The following TNFSF4 variants were observed in gnomAD, a reference collection of about 807,000 sequenced individuals.
TNFSF4 encodes the protein tumor necrosis factor ligand superfamily member 4.
In TNFSF4, 4 loss-of-function variants were observed where a neutral mutation model predicts 7.3. That is an observed-to-expected ratio of 0.55 (90% confidence interval 0.27 to 1.25). The LOEUF (loss-of-function observed/expected upper bound fraction) is 1.25. Ranked by LOEUF, TNFSF4 falls within the 50% of genes most tolerant of loss-of-function variation. TNFSF4 has a pLI of 0.12. For missense variants in TNFSF4, 181 were observed against 208.8 expected (o/e 0.87, Z 0.82); for synonymous variants, 76 against 83.7 (o/e 0.91, Z 0.50).
At chr1:173,420,212 A>AT in the TNFSF4 span, among the ~76,000 whole-genome samples, 90 of 152,102 alleles carry the variant, frequency 5.9e-4, no homozygotes, top group African/African-American at 2.1e-3. Context: ...AAACAAACAA[A>AT]CAAAAAAAAA....
At chr1:173,403,265 G>A in the TNFSF4 span, among the ~76,000 whole-genome samples, 1 of 152,104 alleles carries the variant, frequency 6.6e-6, no homozygotes, top group Non-Finnish European at 1.5e-5. Flanking sequence ...TGCTTGTCTG[G>A]CATCATCTGG....
At chr1:173,406,628 C>A in the TNFSF4 span, among the ~76,000 whole-genome samples, 980 of 152,316 alleles carry the variant, frequency 6.4e-3, 6 homozygotes, top group Non-Finnish European at 0.011. Flanking sequence ...CTCACTATTT[C>A]TTCAGAATTT....
chr1:173,244,649 A>AC, the TNFSF4 span, among the ~76,000 whole-genome samples: 127 of 127,394 alleles, frequency 1.0e-3, 8 homozygotes, highest in Middle Eastern at 7.8e-3. Flanking sequence ...CTCAAAAAAA[A>AC]ACAAAAAACA....
the TNFSF4 span, among the ~76,000 whole-genome samples, chr1:173,382,849 C>A: frequency 6.7e-6 from 1 of 149,900 alleles, no homozygotes; most frequent in East Asian, 2.0e-4. Context: ...ATGGGTGGGG[C>A]ACCATTCTAA....
At chr1:173,183,217 C>T (rs976404462), downstream of TNFSF4, among the ~76,000 whole-genome samples, 1 of 137,702 alleles carries the variant, frequency 7.3e-6, no homozygotes, top group Non-Finnish European at 1.5e-5. Context: ...GTGATGAAGA[C>T]TAAGAAAGGC....
the TNFSF4 span, among the ~76,000 whole-genome samples, chr1:173,405,361 T>G: frequency 6.6e-6 from 1 of 152,190 alleles, no homozygotes; most frequent in Non-Finnish European, 1.5e-5. Flanking sequence ...TCACAATATA[T>G]TTGGCTTTTG....
chr1:173,404,330 T>C, the TNFSF4 span, among the ~76,000 whole-genome samples: 1 of 152,144 alleles, frequency 6.6e-6, no homozygotes, highest in African/African-American at 2.4e-5. Flanking sequence ...AACTAAGTTA[T>C]CAGGACCCCC....
the TNFSF4 span, among the ~76,000 whole-genome samples, chr1:173,425,696 A>G: frequency 6.6e-6 from 1 of 152,222 alleles, no homozygotes; most frequent in South Asian, 2.1e-4. Context: ...TCAAGAAAGA[A>G]ACATGATAGA....
At chr1:173,211,812 T>C (rs138552232), upstream of TNFSF4, among the ~76,000 whole-genome samples, 281 of 152,344 alleles carry the variant, frequency 1.8e-3, 1 homozygote, top group African/African-American at 5.2e-3. Context: ...TCCCAAAGCC[T>C]AGTTTATCAT....
the TNFSF4 span, among the ~76,000 whole-genome samples, chr1:173,375,640 C>T: frequency 1.3e-5 from 2 of 149,502 alleles, no homozygotes; most frequent in Non-Finnish European, 2.9e-5. Flanking sequence ...CACCAATCAG[C>T]ACTCTGTAAA....
the TNFSF4 span, chr1:173,174,949 T>C: frequency 7.9e-5 from 12 of 152,372 alleles, no homozygotes; most frequent in East Asian, 2.3e-3. Flanking sequence ...CTTATCTTAA[T>C]CATCTATCTT....
the TNFSF4 span, among the ~76,000 whole-genome samples, chr1:173,254,804 T>C: frequency 1.3e-5 from 2 of 152,054 alleles, no homozygotes; most frequent in Admixed American, 1.3e-4. Flanking sequence ...AATTAAAATA[T>C]AAAAGAGATC....
At chr1:173,254,356 A>G in the TNFSF4 span, among the ~76,000 whole-genome samples, 3 of 152,102 alleles carry the variant, frequency 2.0e-5, no homozygotes, top group Non-Finnish European at 4.4e-5. Context: ...AATAGTAGGG[A>G]AAAAAATGGC....
At chr1:173,276,484 G>A in the TNFSF4 span, among the ~76,000 whole-genome samples, 1 of 152,100 alleles carries the variant, frequency 6.6e-6, no homozygotes, top group Admixed American at 6.6e-5. Flanking sequence ...AGCACACTAA[G>A]CTGGGAGTGA....
chr1:173,319,765 G>GC, the TNFSF4 span, among the ~76,000 whole-genome samples: 1 of 152,252 alleles, frequency 6.6e-6, no homozygotes, highest in Admixed American at 6.5e-5. Context: ...CAGAAGAGGG[G>GC]CCTGACTGTT....
the TNFSF4 span, among the ~76,000 whole-genome samples, chr1:173,383,816 G>A: frequency 6.6e-6 from 1 of 152,118 alleles, no homozygotes; most frequent in Non-Finnish European, 1.5e-5. Flanking sequence ...ATGTTGTCAT[G>A]AGCATATTAT....
chr1:173,228,138 G>C, the TNFSF4 span, among the ~76,000 whole-genome samples: 1 of 152,216 alleles, frequency 6.6e-6, no homozygotes, highest in Non-Finnish European at 1.5e-5. Context: ...TCCTCAAGTG[G>C]GTCCCTGACC....
chr1:173,448,490 A>T, the TNFSF4 span, among the ~76,000 whole-genome samples: 4 of 152,202 alleles, frequency 2.6e-5, no homozygotes, highest in Non-Finnish European at 4.4e-5. Flanking sequence ...ACCTGGGTGC[A>T]GGTGGGCTGA....
the TNFSF4 span, among the ~76,000 whole-genome samples, chr1:173,427,053 G>A: frequency 7.9e-5 from 12 of 152,230 alleles, no homozygotes; most frequent in African/African-American, 2.4e-4. Context: ...ATCTGGACTC[G>A]TCACCTTCAG....
Sources: allele counts gnomAD v4.1 joint callset (sites outside exome capture counted in the v4.1 genomes callset), GRCh38; gene constraint gnomAD v4.1.1; transcripts MANE v1.5; gene names NCBI Gene and HGNC (gene_info 2026-07-23, HGNC 2026-07-21).